Variants in H2AX observed in about 807,000 individuals in gnomAD.
H2AX encodes the protein histone H2AX.
A neutral mutation model predicts 8.0 loss-of-function variants in H2AX; 2 were observed. The ratio of observed to expected loss-of-function variants is 0.25; its 90% CI spans 0.10 to 0.79. The LOEUF is 0.79. H2AX is among the 30% of genes least tolerant of loss of function. The pLI is 0.69. For missense variants in H2AX, 105 were observed against 201.0 expected, an observed-to-expected ratio of 0.52 and a Z score of 2.89; for synonymous variants, 110 against 102.5, an observed-to-expected ratio of 1.07 and a Z score of -0.44.
chr11:119,094,867 G>A lies in H2AX; in HGVS notation c.*96C>T, dbSNP rs1429787603. Reference sequence around the variant, plus strand: ...CGGCCCGCTTGCCCCGCAGTCTGAAGCGGCTCAGCTCTTTCCATGAGGGCG... The same window carrying A: ...CGGCCCGCTTGCCCCGCAGTCTGAAACGGCTCAGCTCTTTCCATGAGGGCG... On this transcript the variant is annotated 3_prime_UTR_variant, in exon 1 of 1. Coordinates refer to ENST00000530167, the MANE Select transcript of H2AX (RefSeq NM_002105.3). 7.8e-7 allele frequency: 1 copy of A among 1,279,502 alleles called. No homozygotes were observed. The highest frequency in any genetic ancestry group is 2.6e-5 in the East Asian group (1 of 38,958). 79.3% of individuals were successfully genotyped at this position (1,279,502 alleles called of 1,614,324 possible). A position where few individuals can be genotyped will look rare whatever the true frequency, so the allele number is the denominator to read the frequency against.
Position 119,095,270 on chromosome 11 carries a change from TCGGCG to T in H2AX, c.120_124del (p.Tyr40Ter), listed in dbSNP as rs1402120361. Reference sequence around the variant, plus strand: ...CACTGGCGCGCCGGCGCCAACGCGCTCGGCGTAGTGGCCCTTCCGCAGCAGCCGGT... The same window carrying T: ...CACTGGCGCGCCGGCGCCAACGCGCTTAGTGGCCCTTCCGCAGCAGCCGGT... On this transcript the variant is annotated stop_gained and frameshift_variant, in exon 1 of 1. Coordinates refer to ENST00000530167, the MANE Select transcript of H2AX (RefSeq NM_002105.3). LOFTEE classifies it high-confidence loss of function. 1 of 1,613,098 alleles carries T rather than the reference TCGGCG, an allele frequency of 6.2e-7. No individual in the cohort carries two copies. The highest frequency in any genetic ancestry group is 1.3e-5 in the African/African-American group (1 of 74,892).
Position 119,094,811 on chromosome 11 carries a change from C to T in H2AX, c.*152G>A. On this transcript the variant is annotated 3_prime_UTR_variant, in exon 1 of 1. Transcript: ENST00000530167. ...GGGACTCGAGGCCGGGCGGCGAAGG[C>T]GGGCGAGGGGAGGGGAGGGGAAGGG... 1.2e-6 allele frequency: 1 copy of T among 809,624 alleles called. No individual in the cohort carries two copies. The highest frequency in any genetic ancestry group is 1.8e-6 in the Non-Finnish European group (1 of 544,964). 50.2% of individuals were successfully genotyped at this position (809,624 alleles called of 1,614,324 possible).
rs1434435929 is a variant in H2AX, at chr11:119,094,799, G to C, written c.*164C>G. The C allele has an allele frequency of 6.7e-6, 5 of 741,636 alleles. No individual in the cohort carries two copies. Among genetic ancestry groups the C allele is most frequent in the South Asian group, 2.0e-5 (1 of 49,400 alleles). The allele number at this position is 741,636 out of a possible 1,614,324, so 45.9% of individuals were successfully genotyped here. On this transcript the variant is annotated 3_prime_UTR_variant, in exon 1 of 1. Transcript: ENST00000530167. ...CGGGGGCGGGCGGGGACTCGAGGCCGGGCGGCGAAGGCGGGCGAGGGGAGG... is the reference window on the plus strand; with the variant it reads ...CGGGGGCGGGCGGGGACTCGAGGCCCGGCGGCGAAGGCGGGCGAGGGGAGG...
chr11:119,095,111 T>C lies in H2AX; in HGVS notation c.284A>G (p.Asn95Ser), dbSNP rs1465189474. ...GATCGTCACGCCGCCCAGCAGCTTG[T>C]TGAGCTCCTCGTCGTTGCGGATGGC... ...QLAIRNDEELNKLLGGVTIAQ... is the reference protein window; with the variant it reads ...QLAIRNDEELSKLLGGVTIAQ... Residue 95 changes from asparagine to serine, a missense_variant, in exon 1 of 1, where the codon AAC becomes AGC. Physicochemically the swap from Asn to Ser is conservative, Grantham distance 46. Coordinates refer to ENST00000530167, the MANE Select transcript of H2AX (RefSeq NM_002105.3). 3 of 1,614,010 alleles carry C rather than the reference T, an allele frequency of 1.9e-6. No homozygotes were observed. Among genetic ancestry groups the C allele is most frequent in the Non-Finnish European group, 2.5e-6 (3 of 1,179,894 alleles).
At position 119,095,284 on chromosome 11, in the gene H2AX, C is replaced by G; in HGVS notation, c.111G>C (p.Lys37Asn). The change falls in exon 1 of 1, where the codon AAG becomes AAC. Residue 37 changes from lysine to asparagine, a missense_variant. By Grantham distance (94) the Lys-to-Asn change is moderately conservative (BLOSUM62 0). Around this residue, in one of 3 missense-constraint regions of H2AX, gnomAD observed 55 missense variants for 144.4 expected, o/e 0.38. Transcript: ENST00000530167. ...CGCCAACGCGCTCGGCGTAGTGGCCCTTCCGCAGCAGCCGGTGTACACGGC... is the reference window on the plus strand; with the variant it reads ...CGCCAACGCGCTCGGCGTAGTGGCCGTTCCGCAGCAGCCGGTGTACACGGC... ...PVGRVHRLLR[K>N]GHYAERVGAG... 1 of 1,612,754 alleles carries G rather than the reference C, an allele frequency of 6.2e-7. No homozygotes were observed. Among genetic ancestry groups the G allele is most frequent in the Non-Finnish European group, 8.5e-7 (1 of 1,179,178 alleles).
rs886187390 is a variant in H2AX, at chr11:119,095,009, G to A, written c.386C>T (p.Ala129Val). Residue 129 changes from alanine to valine, a missense_variant, in exon 1 of 1, where the codon GCG becomes GTG. By Grantham distance (64) the Ala-to-Val change is moderately conservative. Transcript: ENST00000530167. ...KKTSATVGPKAPSGGKKATQA... is the reference protein window; with the variant it reads ...KKTSATVGPKVPSGGKKATQA... Reference sequence around the variant, plus strand: ...GGTGGCCTTCTTGCCGCCCGAGGGCGCCTTCGGCCCCACGGTGGCGCTGGT... The same window carrying A: ...GGTGGCCTTCTTGCCGCCCGAGGGCACCTTCGGCCCCACGGTGGCGCTGGT... The A allele has an allele frequency of 1.9e-6, 3 of 1,612,816 alleles. No homozygotes were observed. Among genetic ancestry groups the A allele is most frequent in the Non-Finnish European group, 2.5e-6 (3 of 1,179,544 alleles).
rs1230347729 is a variant in H2AX, at chr11:119,095,129, C to T, written c.266G>A (p.Arg89His). 6.2e-7 allele frequency: 1 copy of T among 1,614,028 alleles called. No individual in the cohort carries two copies. Among genetic ancestry groups the T allele is most frequent in the African/African-American group, 1.3e-5 (1 of 75,052 alleles). ...CAGCTTGTTGAGCTCCTCGTCGTTG[C>T]GGATGGCCAGCTGCAGGTGGCGGGG... is the stretch of plus-strand genomic sequence containing the variant. ...IIPRHLQLAI[R>H]NDEELNKLLG... is the part of the protein sequence containing the mutation. Residue 89 changes from arginine to histidine, a missense_variant, in exon 1 of 1, where the codon CGC becomes CAC. By Grantham distance (29) the Arg-to-His change is conservative. Around this residue, in one of 3 missense-constraint regions of H2AX, gnomAD observed 55 missense variants for 144.4 expected, o/e 0.38. Transcript: ENST00000530167.
At position 119,094,883 on chromosome 11, in the gene H2AX, C is replaced by A; in HGVS notation, c.*80G>T. 7.2e-7 allele frequency: 1 copy of A among 1,384,784 alleles called. No homozygotes were observed. The highest frequency in any genetic ancestry group is 1.4e-5 in the South Asian group (1 of 70,342). 85.8% of individuals were successfully genotyped at this position (1,384,784 alleles called of 1,614,324 possible). On this transcript the variant is annotated 3_prime_UTR_variant, in exon 1 of 1. Transcript: ENST00000530167. ...CAGTCTGAAGCGGCTCAGCTCTTTC[C>A]ATGAGGGCGGTGGTGGCCCTTAAAA...
chr11:119,094,852 GC>G lies in H2AX; in HGVS notation c.*110del. On this transcript the variant is annotated 3_prime_UTR_variant, in exon 1 of 1. Coordinates refer to ENST00000530167, the MANE Select transcript of H2AX (RefSeq NM_002105.3). ...AGGGGAAGGGAGCCGCGGCCCGCTT[GC>G]CCCGCAGTCTGAAGCGGCTCAGCTC... 8.7e-7 allele frequency: 1 copy of G among 1,155,236 alleles called. No individual in the cohort carries two copies. The highest frequency in any genetic ancestry group is 1.6e-5 in the African/African-American group (1 of 62,812). 71.6% of individuals were successfully genotyped at this position (1,155,236 alleles called of 1,614,324 possible).
chr11:119,095,324 A>G lies in H2AX; in HGVS notation c.71T>C (p.Leu24Pro). 1 of 1,605,234 alleles carries G rather than the reference A, an allele frequency of 6.2e-7. No homozygotes were observed. Among genetic ancestry groups the G allele is most frequent in the Non-Finnish European group, 8.5e-7 (1 of 1,175,570 alleles). ...KAKSRSSRAG[L>P]QFPVGRVHRL... ...GTGTACACGGCCCACTGGGAACTGG[A>G]GGCCGGCGCGCGACGAGCGCGACTT... Residue 24 changes from leucine to proline, a missense_variant, in exon 1 of 1, where the codon CTC becomes CCC. By Grantham distance (98) the Leu-to-Pro change is moderately conservative. This residue lies in a region of H2AX where 55 missense variants were observed against 144.4 expected (regional missense o/e 0.38). Coordinates refer to ENST00000530167, the MANE Select transcript of H2AX (RefSeq NM_002105.3).
rs1490480944 is a variant in H2AX at position 119,094,169 on chromosome 11, C to T, written c.*794G>A. The T allele has an allele frequency of 6.5e-6, 1 of 152,762 alleles. No individual in the cohort carries two copies. 9.5% of individuals were successfully genotyped at this position (152,762 alleles called of 1,614,324 possible). A position where few individuals can be genotyped will look rare whatever the true frequency, so the allele number is the denominator to read the frequency against. ...CCAGCCGTGAAGCCAAACTGCAGGC[C>T]TCTGCCCTCCCCTAAATGTCCTCCT... On this transcript the variant is annotated 3_prime_UTR_variant, in exon 1 of 1. Coordinates refer to ENST00000530167, the MANE Select transcript of H2AX (RefSeq NM_002105.3).
rs530049284 is a variant in H2AX, at chr11:119,094,287, T to C, written c.*676A>G. The C allele has an allele frequency of 5.9e-5, 9 of 152,330 alleles. No individual in the cohort carries two copies. The highest frequency in any genetic ancestry group is 1.9e-4 in the African/African-American group (8 of 41,564). The allele number at this position is 152,330 out of a possible 1,614,324, so 9.4% of individuals were successfully genotyped here. Reference sequence around the variant, plus strand: ...CTATGAATGAAGATGGAGGGAGAGCTGATGTGAAAGGCCTGGGTCCCGGCC... The same window carrying C: ...CTATGAATGAAGATGGAGGGAGAGCCGATGTGAAAGGCCTGGGTCCCGGCC... On this transcript the variant is annotated 3_prime_UTR_variant, in exon 1 of 1. Coordinates refer to ENST00000530167, the MANE Select transcript of H2AX (RefSeq NM_002105.3).
rs1411217953 is a variant in H2AX at position 119,095,257 on chromosome 11, G to A, written c.138C>T (p.Ala46=). The part of the protein sequence containing the change: ...RKGHYAERVG[A]GAPVYLAAVL... ...CTGCCGCCAGGTACACTGGCGCGCC[G>A]GCGCCAACGCGCTCGGCGTAGTGGC... Residue 46 remains alanine, a synonymous_variant, in exon 1 of 1, where the codon GCC becomes GCT. Coordinates refer to ENST00000530167, the MANE Select transcript of H2AX (RefSeq NM_002105.3). The A allele has an allele frequency of 6.2e-7, 1 of 1,613,456 alleles. No homozygotes were observed. The highest frequency in any genetic ancestry group is 2.2e-5 in the East Asian group (1 of 44,862).
chr11:119,095,465 T>G lies in H2AX; in HGVS notation c.-71A>C. 2 of 1,440,330 alleles carry G rather than the reference T, an allele frequency of 1.4e-6. No individual in the cohort carries two copies. The highest frequency in any genetic ancestry group is 1.8e-6 in the Non-Finnish European group (2 of 1,098,018). 89.2% of individuals were successfully genotyped at this position (1,440,330 alleles called of 1,614,324 possible). A position where few individuals can be genotyped will look rare whatever the true frequency, so the allele number is the denominator to read the frequency against. On this transcript the variant is annotated 5_prime_UTR_variant, in exon 1 of 1. Coordinates refer to ENST00000530167, the MANE Select transcript of H2AX (RefSeq NM_002105.3). ...CAGACGCCCGCCGCAGTGTAACTGC[T>G]GTCGCGCGCGCGCCGCGAGGCCGCC...
chr11:119,095,121 C>A lies in H2AX; in HGVS notation c.274G>T (p.Glu92Ter). Residue 92 changes from glutamate (E) to a stop codon, truncating the protein, a stop_gained, in exon 1 of 1, where the codon GAG becomes TAG. Transcript: ENST00000530167. LOFTEE classifies it high-confidence loss of function. ...CCGCCCAGCAGCTTGTTGAGCTCCT[C>A]GTCGTTGCGGATGGCCAGCTGCAGG... is the stretch of plus-strand genomic sequence containing the variant. ...RHLQLAIRND[E>*]ELNKLLGGVT... is the part of the protein sequence containing the mutation. The A allele has an allele frequency of 6.2e-7, 1 of 1,614,020 alleles. No homozygotes were observed. The highest frequency in any genetic ancestry group is 8.5e-7 in the Non-Finnish European group (1 of 1,179,896).
chr11:119,093,990 C>G lies in H2AX; in HGVS notation c.*973G>C, dbSNP rs1419545300. On this transcript the variant is annotated 3_prime_UTR_variant, in exon 1 of 1. Transcript: ENST00000530167. ...TCCAGTTCAGAAGCCAACGGAGGCT[C>G]AGTCCAGACAGGGATTAACCGACTT... 1 of 153,566 alleles carries G rather than the reference C, an allele frequency of 6.5e-6. No homozygotes were observed. Among genetic ancestry groups the G allele is most frequent in the Non-Finnish European group, 1.5e-5 (1 of 68,696 alleles). The allele number at this position is 153,566 out of a possible 1,614,324, so 9.5% of individuals were successfully genotyped here.
chr11:119,094,894 T>G lies in H2AX; in HGVS notation c.*69A>C. 6 of 1,411,758 alleles carry G rather than the reference T, an allele frequency of 4.3e-6. No individual in the cohort carries two copies. The highest frequency in any genetic ancestry group is 5.7e-6 in the Non-Finnish European group (6 of 1,055,828). The allele number at this position is 1,411,758 out of a possible 1,614,324, so 87.5% of individuals were successfully genotyped here. A position where few individuals can be genotyped will look rare whatever the true frequency, so the allele number is the denominator to read the frequency against. ...GGCTCAGCTCTTTCCATGAGGGCGG[T>G]GGTGGCCCTTAAAAGGGCCTTTGTG... On this transcript the variant is annotated 3_prime_UTR_variant, in exon 1 of 1. Transcript: ENST00000530167.
chr11:119,094,831 G>A lies in H2AX; in HGVS notation c.*132C>T. On this transcript the variant is annotated 3_prime_UTR_variant, in exon 1 of 1. Transcript: ENST00000530167. Reference sequence around the variant, plus strand: ...GAAGGCGGGCGAGGGGAGGGGAGGGGAAGGGAGCCGCGGCCCGCTTGCCCC... The same window carrying A: ...GAAGGCGGGCGAGGGGAGGGGAGGGAAAGGGAGCCGCGGCCCGCTTGCCCC... The A allele has an allele frequency of 1.0e-6, 1 of 978,752 alleles. No individual in the cohort carries two copies. Among genetic ancestry groups the A allele is most frequent in the Non-Finnish European group, 1.4e-6 (1 of 690,636 alleles). The allele number at this position is 978,752 out of a possible 1,614,324, so 60.6% of individuals were successfully genotyped here. A position where few individuals can be genotyped will look rare whatever the true frequency, so the allele number is the denominator to read the frequency against.
rs1272226518 is a variant in H2AX, at chr11:119,094,634, C to G, written c.*329G>C. 1 of 207,874 alleles carries G rather than the reference C, an allele frequency of 4.8e-6. No individual in the cohort carries two copies. The highest frequency in any genetic ancestry group is 2.3e-5 in the African/African-American group (1 of 43,190). The allele number at this position is 207,874 out of a possible 1,614,324, so 12.9% of individuals were successfully genotyped here. A position where few individuals can be genotyped will look rare whatever the true frequency, so the allele number is the denominator to read the frequency against. On this transcript the variant is annotated 3_prime_UTR_variant, in exon 1 of 1. Transcript: ENST00000530167. ...AGGTGCGGCGCCGCCGGCCTCCCCC[C>G]GGCAGGCTCGGGTCTTCCGCGCCAC... is the stretch of plus-strand genomic sequence containing the variant.
Sources: gnomAD v4.1 joint callset for allele counts on GRCh38, gnomAD v4.1.1 for gene constraint, gnomAD v4.1.1 regional missense constraint, MANE v1.5 for transcripts, NCBI Gene and HGNC (gene_info 2026-07-23, HGNC 2026-07-21) for gene names.